Variants in NALCN observed in about 807,000 individuals in gnomAD.
NALCN encodes sodium leak channel, non-selective, also known as sodium leak channel NALCN.
A neutral mutation model predicts 225.3 loss-of-function variants in NALCN; 111 were observed. The observed-to-expected ratio is 0.49, with a 90% CI of 0.42 to 0.58. The LOEUF is 0.58. NALCN is among the 20% of genes least tolerant of loss of function. NALCN has a pLI of 0.00. For missense variants in NALCN, 1,378 were observed against 2,202.4 expected (o/e 0.63, Z 7.49); for synonymous variants, 764 against 769.0 (o/e 0.99, Z 0.11).
chr13:101,398,970 T>C (rs1163299866), intron 2 of NALCN, 49 bp downstream of exon 2: 1 of 1,179,738 alleles, frequency 8.5e-7, no homozygotes, highest in Non-Finnish European at 1.3e-6. Flanking sequence ...GTCAATCACA[T>C]TTATCTCACA....
chr13:101,365,739 T>C (rs2139380157), intron 6 of NALCN, among the ~76,000 whole-genome samples: 1 of 152,206 alleles, frequency 6.6e-6, no homozygotes, highest in African/African-American at 2.4e-5. Flanking sequence ...TTTGAAACAG[T>C]AGGGATAAGC....
At chr13:101,398,930 C>A (rs559836517) in intron 2 of NALCN, 89 bp downstream of exon 2, 2 of 813,792 alleles carry the variant, frequency 2.5e-6, no homozygotes, top group African/African-American at 1.7e-5. Context: ...TCAGATATTT[C>A]GAAGCCAAAG....
chr13:101,073,503 G>T lies in NALCN; in HGVS notation c.4197+81C>A, dbSNP rs546364057. 2,294 of 1,189,518 alleles carry T rather than the reference G, an allele frequency of 1.9e-3. 6 individuals carry two copies. Among genetic ancestry groups the T allele is most frequent in the Non-Finnish European group, 2.6e-3 (2,124 of 816,836 alleles). The allele number at this position is 1,189,518 out of a possible 1,614,324, so 73.7% of individuals were successfully genotyped here. A position where few individuals can be genotyped will look rare whatever the true frequency, so the allele number is the denominator to read the frequency against. On this transcript the variant is annotated intron_variant, in intron 37 of 43. Transcript: ENST00000251127. ...ATACATAAAGTCTTAACGCTAACAA[G>T]GATGATCCTGCCAACATTGTGTTGC... is the stretch of plus-strand genomic sequence containing the variant.
intron 13 of NALCN, among the ~76,000 whole-genome samples, chr13:101,194,929 G>A (rs1415116884): frequency 6.6e-6 from 1 of 152,146 alleles, no homozygotes; most frequent in Non-Finnish European, 1.5e-5. Flanking sequence ...GCTTGAACCT[G>A]GGAGGCGGAG....
At chr13:101,365,245 T>C (rs1484996735) in intron 6 of NALCN, among the ~76,000 whole-genome samples, 5 of 152,136 alleles carry the variant, frequency 3.3e-5, no homozygotes, top group African/African-American at 1.2e-4. Flanking sequence ...GCCTTCTTTG[T>C]GTCTGTATGT....
At chr13:101,326,197 A>G (rs188895581) in intron 7 of NALCN, among the ~76,000 whole-genome samples, 2 of 152,322 alleles carry the variant, frequency 1.3e-5, no homozygotes, top group Admixed American at 1.3e-4. Context: ...ATCAACTTAT[A>G]AGCAAGAATA....
chr13:101,136,367 C>CATAGGTCAA (rs1201774424), intron 17 of NALCN, among the ~76,000 whole-genome samples: 1 of 152,020 alleles, frequency 6.6e-6, no homozygotes, highest in Non-Finnish European at 1.5e-5. Context: ...AGGTTTGTTA[C>CATAGGTCAA]ATAGGTATGC....
chr13:101,169,318 C>CTA (rs1190327709), intron 15 of NALCN, among the ~76,000 whole-genome samples: 1 of 151,920 alleles, frequency 6.6e-6, no homozygotes, highest in African/African-American at 2.4e-5. Flanking sequence ...CTATCTTAGC[C>CTA]TATGCCATTA....
chr13:101,365,808 T>C (rs76630250), intron 6 of NALCN, among the ~76,000 whole-genome samples: 3,238 of 152,240 alleles, frequency 0.021, 122 homozygotes, highest in African/African-American at 0.074. Flanking sequence ...TTAAAGCTAG[T>C]GGTCCAGCCA....
At chr13:101,382,713 C>T (rs2046885004) in intron 3 of NALCN, among the ~76,000 whole-genome samples, 1 of 152,146 alleles carries the variant, frequency 6.6e-6, no homozygotes, top group Non-Finnish European at 1.5e-5. Flanking sequence ...CGAACGACCT[C>T]AGTTATAAAA....
At chr13:101,195,725 C>CCA (rs1270440077) in intron 13 of NALCN, among the ~76,000 whole-genome samples, 1 of 152,138 alleles carries the variant, frequency 6.6e-6, no homozygotes, top group Non-Finnish European at 1.5e-5. Context: ...ACATCACTCC[C>CCA]CACTTCCCTT....
chr13:101,144,615 ATAGAGG>A (rs1261406452), intron 16 of NALCN, 139 bp downstream of exon 16: 16 of 645,222 alleles, frequency 2.5e-5, no homozygotes, highest in Non-Finnish European at 3.6e-5. Context: ...TTTATTTTAA[ATAGAGG>A]TAGAGGTAGT....
chr13:101,342,017 C>T (rs986803434), intron 7 of NALCN, among the ~76,000 whole-genome samples: 1 of 152,220 alleles, frequency 6.6e-6, no homozygotes, highest in Non-Finnish European at 1.5e-5. Context: ...CTGTCTTGCT[C>T]TTGGACTTCC....
intron 6 of NALCN, among the ~76,000 whole-genome samples, chr13:101,366,266 A>G (rs755594645): frequency 1.8e-4 from 28 of 152,202 alleles, no homozygotes; most frequent in Non-Finnish European, 3.4e-4. Context: ...TACTGAAGAC[A>G]TAACTAAGAT....
chr13:101,141,157 G>A (rs527572913), intron 17 of NALCN, among the ~76,000 whole-genome samples: 2 of 152,176 alleles, frequency 1.3e-5, no homozygotes, highest in East Asian at 3.9e-4. Context: ...AGAAGCAGAT[G>A]GAAGAGTAAC....
Position 101,386,992 on chromosome 13 carries a change from C to T in NALCN, c.291+8191G>A, listed in dbSNP as rs866228489. On this transcript the variant is annotated intron_variant, in intron 3 of 43. Transcript: ENST00000251127. ...ATCCCAGCACTTTGGGAGGCCGAGGCGGGTGGATCATGAGGTCAGGAGATC... is the reference window on the plus strand; with the variant it reads ...ATCCCAGCACTTTGGGAGGCCGAGGTGGGTGGATCATGAGGTCAGGAGATC... 6.9e-4 allele frequency among the ~76,000 whole-genome samples: 105 copies of T among 151,834 alleles called. No individual in the cohort carries two copies. In the Middle Eastern group the frequency reaches 0.014, roughly 20 times the overall value.
chr13:101,212,161 A>G (rs1047993518), intron 13 of NALCN, among the ~76,000 whole-genome samples: 6 of 151,982 alleles, frequency 3.9e-5, no homozygotes, highest in African/African-American at 1.5e-4. Flanking sequence ...TTTTTCTTAT[A>G]TGGAATGCCT....
chr13:101,095,540 C>G, intron 28 of NALCN, 34 bp downstream of exon 28: 1 of 1,529,256 alleles, frequency 6.5e-7, no homozygotes, highest in African/African-American at 1.4e-5. Flanking sequence ...ACAAACACAC[C>G]ATTCTTCAGA....
At chr13:101,320,168 TACA>T (rs916877859) in intron 7 of NALCN, among the ~76,000 whole-genome samples, 34 of 152,324 alleles carry the variant, frequency 2.2e-4, no homozygotes, top group African/African-American at 7.9e-4. Flanking sequence ...GTATTCAATT[TACA>T]ACAACAATAA....
Sources: allele counts gnomAD v4.1 joint callset (sites outside exome capture counted in the v4.1 genomes callset), GRCh38; gene constraint gnomAD v4.1.1; transcripts MANE v1.5; gene names NCBI Gene and HGNC (gene_info 2026-07-23, HGNC 2026-07-21).